The following GLIPR1L2 variants were observed in gnomAD, a reference collection of about 807,000 sequenced individuals.
The protein encoded by GLIPR1L2 is GLIPR1 like 2.
In GLIPR1L2, 21 loss-of-function variants were observed where a neutral mutation model predicts 28.4. The observed-to-expected ratio is 0.74, with a 90% CI of 0.52 to 1.06. The LOEUF (loss-of-function observed/expected upper bound fraction) is 1.06, where lower values mean the gene tolerates loss of function less well. Among genes scored for constraint, GLIPR1L2 ranks in the 50% least tolerant of loss-of-function variants. The probability of loss-of-function intolerance (pLI) is 0.00; values close to 1 mark genes in which losing one functional copy is unlikely to be tolerated. For synonymous variants in GLIPR1L2, 145 were observed against 139.3 expected (o/e 1.04, Z -0.29); for missense variants, 476 against 416.9 (o/e 1.14, Z -1.23).
intron 3 of GLIPR1L2, among the ~76,000 whole-genome samples, chr12:75,416,879 C>T (rs1443222768): frequency 6.6e-6 from 1 of 152,018 alleles, no homozygotes. Flanking sequence ...CAACTCAGTC[C>T]AATTCTTATT....
At position 75,431,720 on chromosome 12, in the gene GLIPR1L2, T is replaced by A. The variant is rs2046094402; in HGVS notation, c.*559T>A. On this transcript the variant is annotated 3_prime_UTR_variant, in exon 6 of 6. Transcript: ENST00000550916. The stretch of plus-strand genomic sequence containing the variant: ...GTGGTACCTGTACATCCTGCTAGGA[T>A]GCAAACTTATTATTTATAATTAATG... The A allele has an allele frequency of 6.6e-6, 1 of 152,122 alleles. No homozygotes were observed. Among genetic ancestry groups the A allele is most frequent in the African/African-American group, 2.4e-5 (1 of 41,450 alleles). The allele number at this position is 152,122 out of a possible 1,614,324, so 9.4% of individuals were successfully genotyped here.
chr12:75,405,621 T>G (rs1022097949), intron 1 of GLIPR1L2, among the ~76,000 whole-genome samples: 5 of 144,330 alleles, frequency 3.5e-5, no homozygotes, highest in African/African-American at 1.3e-4. Flanking sequence ...TCAGCATTCT[T>G]TCTGGGCAGC....
At position 75,431,841 on chromosome 12, in the gene GLIPR1L2, T is replaced by G. The variant is rs1048355865; in HGVS notation, c.*680T>G. The stretch of plus-strand genomic sequence containing the variant: ...AGTTGTGGTAGAGGAATCTGGGTGC[T>G]TCCAAATTTATATGATAAAATAAAT... On this transcript the variant is annotated 3_prime_UTR_variant, in exon 6 of 6. Transcript: ENST00000550916. 2.0e-5 allele frequency: 3 copies of G among 152,064 alleles called. No homozygotes were observed. Among genetic ancestry groups the G allele is most frequent in the African/African-American group, 7.2e-5 (3 of 41,452 alleles). 9.4% of individuals were successfully genotyped at this position (152,064 alleles called of 1,614,324 possible). A position where few individuals can be genotyped will look rare whatever the true frequency, so the allele number is the denominator to read the frequency against.
chr12:75,394,926 TA>T (rs2045667813), intron 1 of GLIPR1L2, among the ~76,000 whole-genome samples: 1 of 151,954 alleles, frequency 6.6e-6, no homozygotes, highest in South Asian at 2.1e-4. Context: ...CTTTCAGTAA[TA>T]TTTTATTTTC....
chr12:75,431,167 G>C lies in GLIPR1L2; in HGVS notation c.*6G>C, dbSNP rs1330475574. On this transcript the variant is annotated 3_prime_UTR_variant, in exon 6 of 6. Transcript: ENST00000550916. Reference sequence around the variant, plus strand: ...TGGAGGAAGAGGAAAAATAAGAGTAGAAAGAGGAGGAAAAAGATGTATCAC... The same window carrying C: ...TGGAGGAAGAGGAAAAATAAGAGTACAAAGAGGAGGAAAAAGATGTATCAC... 3.1e-6 allele frequency: 2 copies of C among 648,542 alleles called. No individual in the cohort carries two copies. The highest frequency in any genetic ancestry group is 4.0e-5 in the South Asian group (2 of 50,086). The allele number at this position is 648,542 out of a possible 1,614,324, so 40.2% of individuals were successfully genotyped here.
chr12:75,419,303 G>A (rs1180246169), intron 3 of GLIPR1L2, among the ~76,000 whole-genome samples: 1 of 152,172 alleles, frequency 6.6e-6, no homozygotes, highest in African/African-American at 2.4e-5. Context: ...GAGGATAGGA[G>A]GTTATAGCCA....
intron 4 of GLIPR1L2, among the ~76,000 whole-genome samples, chr12:75,429,786 C>T (rs530608348): frequency 3.3e-5 from 5 of 152,030 alleles, no homozygotes; most frequent in South Asian, 4.2e-4. Context: ...TAAAAGTGTT[C>T]GGCAGTTCTC....
intron 1 of GLIPR1L2, among the ~76,000 whole-genome samples, chr12:75,402,530 TTAA>T (rs1359604379): frequency 1.3e-5 from 2 of 152,206 alleles, no homozygotes; most frequent in African/African-American, 4.8e-5. Flanking sequence ...CTCTAGTCTC[TTAA>T]TAATGTTTTC....
intron 1 of GLIPR1L2, among the ~76,000 whole-genome samples, chr12:75,406,492 C>T (rs896974194): frequency 6.6e-6 from 1 of 151,974 alleles, no homozygotes; most frequent in Non-Finnish European, 1.5e-5. Context: ...CATGGTGGCT[C>T]ATACCTGTAA....
chr12:75,431,625 G>A lies in GLIPR1L2; in HGVS notation c.*464G>A, dbSNP rs2046093606. On this transcript the variant is annotated 3_prime_UTR_variant, in exon 6 of 6. Coordinates refer to ENST00000550916, the MANE Select transcript of GLIPR1L2 (RefSeq NM_001270396.2). ...ACTGTCATAGTTTTTATTGGTGGTA[G>A]TGGTATTTTCATGTGATATTAAGGT... 1 of 153,636 alleles carries A rather than the reference G, an allele frequency of 6.5e-6. No homozygotes were observed. Among genetic ancestry groups the A allele is most frequent in the Admixed American group, 6.4e-5 (1 of 15,530 alleles). The allele number at this position is 153,636 out of a possible 1,614,324, so 9.5% of individuals were successfully genotyped here. A position where few individuals can be genotyped will look rare whatever the true frequency, so the allele number is the denominator to read the frequency against.
Position 75,431,652 on chromosome 12 carries a change from T to A in GLIPR1L2, c.*491T>A, listed in dbSNP as rs1031789219. On this transcript the variant is annotated 3_prime_UTR_variant, in exon 6 of 6. Transcript: ENST00000550916. ...GGTATTTTCATGTGATATTAAGGTA[T>A]CTAATATTATTATTTGTCTTTGTGG... The A allele has an allele frequency of 1.3e-5, 2 of 152,580 alleles. No individual in the cohort carries two copies. Among genetic ancestry groups the A allele is most frequent in the African/African-American group, 2.4e-5 (1 of 41,452 alleles). 9.5% of individuals were successfully genotyped at this position (152,580 alleles called of 1,614,324 possible). A position where few individuals can be genotyped will look rare whatever the true frequency, so the allele number is the denominator to read the frequency against.
chr12:75,398,669 T>C (rs1050952768), intron 1 of GLIPR1L2, among the ~76,000 whole-genome samples: 1 of 152,206 alleles, frequency 6.6e-6, no homozygotes, highest in Non-Finnish European at 1.5e-5. Context: ...GATAATGGGC[T>C]GTAGTTTTAT....
At chr12:75,392,238 T>C (rs1171988063) in intron 1 of GLIPR1L2, among the ~76,000 whole-genome samples, 2 of 152,222 alleles carry the variant, frequency 1.3e-5, no homozygotes, top group Admixed American at 1.3e-4. Flanking sequence ...TATGATATTT[T>C]TTATTAATTT....
chr12:75,394,280 A>G (rs1000706590), intron 1 of GLIPR1L2, among the ~76,000 whole-genome samples: 1 of 152,050 alleles, frequency 6.6e-6, no homozygotes, highest in Admixed American at 6.6e-5. Context: ...AGTATAATTT[A>G]TCATTTTTTG....
At chr12:75,412,925 G>C (rs1198148751) in intron 2 of GLIPR1L2, among the ~76,000 whole-genome samples, 2 of 152,144 alleles carry the variant, frequency 1.3e-5, no homozygotes, top group East Asian at 1.9e-4. Context: ...ATTCACAATA[G>C]CAAAGACTTG....
intron 1 of GLIPR1L2, among the ~76,000 whole-genome samples, chr12:75,400,376 C>A (rs1242760552): frequency 6.6e-6 from 1 of 152,286 alleles, no homozygotes; most frequent in East Asian, 1.9e-4. Flanking sequence ...CCCGCCTTGG[C>A]CTCCCAAAGT....
intron 1 of GLIPR1L2, among the ~76,000 whole-genome samples, chr12:75,395,764 T>G (rs948425021): frequency 2.0e-5 from 3 of 152,086 alleles, no homozygotes; most frequent in African/African-American, 7.2e-5. Context: ...TGTCTTTATT[T>G]CTTACTCAGT....
At chr12:75,411,102 G>A (rs1282336803) in intron 2 of GLIPR1L2, among the ~76,000 whole-genome samples, 1 of 151,684 alleles carries the variant, frequency 6.6e-6, no homozygotes, top group Non-Finnish European at 1.5e-5. Context: ...TTATTTCCCT[G>A]CCTCTGGTTC....
intron 2 of GLIPR1L2, among the ~76,000 whole-genome samples, chr12:75,411,490 T>C (rs1285622845): frequency 3.4e-5 from 5 of 148,738 alleles, no homozygotes; most frequent in African/African-American, 7.4e-5. Context: ...TTTTCATCAG[T>C]TTTTTTTTTC....
Sources: gnomAD v4.1 joint callset for allele counts (sites outside exome capture counted in the v4.1 genomes callset) on GRCh38, gnomAD v4.1.1 for gene constraint, MANE v1.5 for transcripts, NCBI Gene and HGNC (gene_info 2026-07-23, HGNC 2026-07-21) for gene names.